CAMTA1: variants seen among roughly 807,000 people sequenced by gnomAD.
CAMTA1 encodes calmodulin binding transcription activator 1.
A neutral mutation model predicts 170.9 loss-of-function variants in CAMTA1; 27 were observed. The observed-to-expected ratio is 0.16, with a 90% CI of 0.12 to 0.22. The LOEUF (loss-of-function observed/expected upper bound fraction) is 0.22. CAMTA1 is among the 10% of genes least tolerant of loss of function. The pLI is 1.00. For missense variants in CAMTA1, 1,619 were observed against 2,217.2 expected (o/e 0.73, Z 5.42); for synonymous variants, 833 against 891.5 (o/e 0.93, Z 1.17).
chr1:7,670,532 C>T (rs1385082093), intron 9 of CAMTA1, among the ~76,000 whole-genome samples: 2 of 152,202 alleles, frequency 1.3e-5, no homozygotes, highest in Non-Finnish European at 2.9e-5. Context: ...GAGCAAGTCC[C>T]CTCCCTGCCC....
At chr1:7,499,698 A>G (rs1245361213) in intron 6 of CAMTA1, among the ~76,000 whole-genome samples, 9 of 130,816 alleles carry the variant, frequency 6.9e-5, no homozygotes, top group Admixed American at 1.5e-4. Flanking sequence ...GTGCGTGCAT[A>G]TGTATATGAG....
At chr1:7,284,484 GAGCCACCACGTC>G (rs1672071950) in intron 5 of CAMTA1, among the ~76,000 whole-genome samples, 1 of 152,160 alleles carries the variant, frequency 6.6e-6, no homozygotes, top group Non-Finnish European at 1.5e-5. Flanking sequence ...TTACAGGCGT[GAGCCACCACGTC>G]CAGGCTTGCT....
intron 11 of CAMTA1, among the ~76,000 whole-genome samples, chr1:7,716,454 TCTA>T (rs1334159363): frequency 2.0e-5 from 3 of 152,236 alleles, no homozygotes; most frequent in African/African-American, 7.2e-5. Context: ...TACATTTCAT[TCTA>T]CTAAGTTGGG....
intron 5 of CAMTA1, among the ~76,000 whole-genome samples, chr1:7,348,531 C>A (rs150290230): frequency 6.6e-6 from 1 of 151,804 alleles, no homozygotes; most frequent in East Asian, 1.9e-4. Flanking sequence ...AGGAACATGG[C>A]AGAAACAGGG....
chr1:7,127,958 G>A (rs1281450865), intron 4 of CAMTA1, among the ~76,000 whole-genome samples: 1 of 152,176 alleles, frequency 6.6e-6, no homozygotes, highest in African/African-American at 2.4e-5. Flanking sequence ...GGCTCACAGT[G>A]CCTAAACTGC....
At chr1:7,125,688 G>A (rs1170475973) in intron 4 of CAMTA1, among the ~76,000 whole-genome samples, 1 of 152,172 alleles carries the variant, frequency 6.6e-6, no homozygotes, top group Admixed American at 6.5e-5. Context: ...CGGGGCGACT[G>A]GGGGCTGGCG....
intron 6 of CAMTA1, among the ~76,000 whole-genome samples, chr1:7,498,782 T>C (rs1448447628): frequency 1.4e-5 from 2 of 148,136 alleles, no homozygotes; most frequent in Non-Finnish European, 3.0e-5. Flanking sequence ...TGTGCATGTG[T>C]ATGTATGTGT....
rs931572127 is a variant in CAMTA1, at chr1:7,337,872, G to A, written c.438+88246G>A. On this transcript the variant is annotated intron_variant, in intron 5 of 22. Coordinates refer to ENST00000303635, the MANE Select transcript of CAMTA1 (RefSeq NM_015215.4). ...AAGATTACAGCATCAACTCTTACCCGAATTTCCAGCCCGCTTGTCCGCCCA... is the reference window on the plus strand; with the variant it reads ...AAGATTACAGCATCAACTCTTACCCAAATTTCCAGCCCGCTTGTCCGCCCA... 6.6e-5 allele frequency among the ~76,000 whole-genome samples: 10 copies of A among 152,048 alleles called. No individual in the cohort carries two copies. In the East Asian group the frequency reaches 7.7e-4, roughly 12 times the overall value.
At chr1:7,391,936 A>G (rs2088765152) in intron 5 of CAMTA1, among the ~76,000 whole-genome samples, 1 of 152,166 alleles carries the variant, frequency 6.6e-6, no homozygotes, top group South Asian at 2.1e-4. Flanking sequence ...GGCTGTTTCC[A>G]GTTGACATTA....
intron 5 of CAMTA1, among the ~76,000 whole-genome samples, chr1:7,438,703 G>T (rs2092425564): frequency 6.6e-6 from 1 of 152,188 alleles, no homozygotes; most frequent in African/African-American, 2.4e-5. Flanking sequence ...AGGCAGAGGG[G>T]GTCCCGCACA....
chr1:7,574,655 G>A (rs1429671706), intron 6 of CAMTA1, among the ~76,000 whole-genome samples: 1 of 152,176 alleles, frequency 6.6e-6, no homozygotes, highest in Non-Finnish European at 1.5e-5. Context: ...ATGCAGAGAG[G>A]TCCGCCTGGC....
chr1:7,259,709 C>T (rs1574266016), intron 5 of CAMTA1, among the ~76,000 whole-genome samples: 1 of 152,238 alleles, frequency 6.6e-6, no homozygotes, highest in Admixed American at 6.5e-5. Context: ...GAATTGAAAT[C>T]TCCAATGATA....
At chr1:7,180,850 A>G (rs1004350433) in intron 4 of CAMTA1, among the ~76,000 whole-genome samples, 1 of 152,114 alleles carries the variant, frequency 6.6e-6, no homozygotes, top group Non-Finnish European at 1.5e-5. Context: ...TTCTTTATTA[A>G]TTGTTTAGAG....
intron 5 of CAMTA1, among the ~76,000 whole-genome samples, chr1:7,460,593 G>GCC (rs79831740): frequency 2.0e-5 from 3 of 149,596 alleles, no homozygotes; most frequent in Non-Finnish European, 4.4e-5. Flanking sequence ...GGCTGTGACT[G>GCC]CCCCCCCCAA....
intron 11 of CAMTA1, among the ~76,000 whole-genome samples, chr1:7,692,971 T>C (rs567051144): frequency 6.6e-6 from 1 of 152,302 alleles, no homozygotes; most frequent in African/African-American, 2.4e-5. Flanking sequence ...TGTGCCTCCA[T>C]CTGGAGGGAA....
At chr1:7,062,775 A>C (rs1299354689) in intron 3 of CAMTA1, among the ~76,000 whole-genome samples, 9 of 152,226 alleles carry the variant, frequency 5.9e-5, no homozygotes, top group Non-Finnish European at 7.3e-5. Flanking sequence ...CGGCAGGGCC[A>C]GGCTTCCGCT....
Position 7,736,816 on chromosome 1 carries a change from C to G in CAMTA1, c.3264-115C>G. On this transcript the variant is annotated intron_variant, in intron 13 of 22. Coordinates refer to ENST00000303635, the MANE Select transcript of CAMTA1 (RefSeq NM_015215.4). This position sits in a 1 kb window ranked among gnomAD's most constrained non-coding sequence, Gnocchi z 4.5. ...CTGCCCTGGGACTCTGTTTCTTCAC[C>G]ATGGGGATGTTATATACCCAGTTGG... 1 of 863,038 alleles carries G rather than the reference C, an allele frequency of 1.2e-6. No homozygotes were observed. The allele number at this position is 863,038 out of a possible 1,614,324, so 53.5% of individuals were successfully genotyped here.
chr1:7,361,551 A>G (rs528629953), intron 5 of CAMTA1, among the ~76,000 whole-genome samples: 5 of 152,290 alleles, frequency 3.3e-5, no homozygotes, highest in African/African-American at 1.2e-4. Flanking sequence ...AGCTGTGTAG[A>G]AGGAACCAGA....
In CAMTA1 at chr1:7,129,540, G is replaced by A. The variant is rs562311170; in HGVS notation, c.302+38169G>A. On this transcript the variant is annotated intron_variant, in intron 4 of 22. Transcript: ENST00000303635. ...TGCGCTGGAATCTTAGCTGTGTGAGGTTCTTACTCCAGGCAATACACTTAA... is the reference window on the plus strand; with the variant it reads ...TGCGCTGGAATCTTAGCTGTGTGAGATTCTTACTCCAGGCAATACACTTAA... 7.9e-5 allele frequency among the ~76,000 whole-genome samples: 12 copies of A among 152,258 alleles called. No homozygotes were observed. In the East Asian group the frequency reaches 2.1e-3, roughly 27 times the overall value.
Sources: gnomAD v4.1 joint callset for allele counts (sites outside exome capture counted in the v4.1 genomes callset) on GRCh38, gnomAD v4.1.1 for gene constraint, Gnocchi (gnomAD v3.1) non-coding constraint, MANE v1.5 for transcripts, NCBI Gene and HGNC (gene_info 2026-07-23, HGNC 2026-07-21) for gene names.